HS1BP3: variants seen among roughly 807,000 people sequenced by gnomAD.
HS1BP3 encodes HCLS1-binding protein 3.
HS1BP3 carries 32 observed loss-of-function variants against 33.5 expected under a neutral mutation model. That is an observed-to-expected ratio of 0.95 (90% CI 0.72 to 1.28). HS1BP3 has a LOEUF of 1.28. Among genes scored for constraint, HS1BP3 ranks in the 50% most tolerant of loss-of-function variants. The pLI is 0.00. For synonymous variants in HS1BP3, 187 were observed against 209.2 expected (o/e 0.89, Z 0.92); for missense variants, 486 against 502.3 (o/e 0.97, Z 0.31).
intron 5 of HS1BP3, among the ~76,000 whole-genome samples, chr2:20,570,294 G>A (rs1413927848): frequency 1.3e-5 from 2 of 152,184 alleles, no homozygotes; most frequent in Non-Finnish European, 2.9e-5. Context: ...TTTATAGAAT[G>A]CTAGAGCAGG....
intron 2 of HS1BP3, among the ~76,000 whole-genome samples, chr2:20,598,849 C>T (rs1694007427): frequency 6.6e-6 from 1 of 152,176 alleles, no homozygotes; most frequent in South Asian, 2.1e-4. Flanking sequence ...TGAGCCACCG[C>T]GCCCGGCCGG....
downstream of HS1BP3, among the ~76,000 whole-genome samples, chr2:20,558,684 G>T (rs1692899755): frequency 6.6e-6 from 1 of 152,224 alleles, no homozygotes; most frequent in African/African-American, 2.4e-5. Context: ...CAGCGGCACA[G>T]GGGAGACTTG....
intron 1 of HS1BP3, among the ~76,000 whole-genome samples, chr2:20,646,746 C>T (rs573000050): frequency 7.2e-5 from 11 of 152,364 alleles, no homozygotes; most frequent in African/African-American, 1.2e-4. Context: ...GTGTCACCCA[C>T]GGTGTCACTG....
intron 2 of HS1BP3, among the ~76,000 whole-genome samples, chr2:20,609,023 G>A (rs1694260064): frequency 6.6e-6 from 1 of 152,206 alleles, no homozygotes; most frequent in African/African-American, 2.4e-5. Context: ...AGCCCGCCTG[G>A]CTACAGGGAA....
At position 20,619,055 on chromosome 2, in the gene HS1BP3, C is replaced by T. The variant is rs918587712; in HGVS notation, c.1111G>A (p.Glu371Lys). 3.7e-6 allele frequency: 6 copies of T among 1,614,070 alleles called. No homozygotes were observed. The highest frequency in any genetic ancestry group is 1.7e-5 in the Admixed American group (1 of 59,996). The change falls in exon 7 of 7, where the codon GAG becomes AAG. Residue 371 changes from glutamate (E) to lysine (K), a missense_variant. Glu to Lys is a moderately conservative substitution (Grantham distance 56). Coordinates refer to ENST00000304031, the MANE Select transcript of HS1BP3 (RefSeq NM_022460.4). Reference protein sequence around the residue: ...KPQEQIQAMDEMDILQYIQDH... With the variant: ...KPQEQIQAMDKMDILQYIQDH... ...TGGATGTACTGCAAGATGTCCATCT[C>T]GTCCATGGCTTGGATCTGCTCCTGC... is the stretch of plus-strand genomic sequence containing the variant.
chr2:20,642,380 TC>T (rs1695380576), intron 2 of HS1BP3, among the ~76,000 whole-genome samples: 1 of 151,624 alleles, frequency 6.6e-6, no homozygotes, highest in African/African-American at 2.4e-5. Context: ...TTTCAGAACC[TC>T]CAGTGGGGAG....
At chr2:20,625,862 A>G (rs1342223905) in intron 4 of HS1BP3, among the ~76,000 whole-genome samples, 1 of 152,248 alleles carries the variant, frequency 6.6e-6, no homozygotes, top group Non-Finnish European at 1.5e-5. Context: ...TGTGTACGTC[A>G]CTGTAAGTGA....
chr2:20,595,498 G>C (rs900212651), intron 3 of HS1BP3, among the ~76,000 whole-genome samples: 11 of 152,186 alleles, frequency 7.2e-5, no homozygotes, highest in Non-Finnish European at 1.5e-4. Flanking sequence ...CAGCAGGAGG[G>C]CTTCCTGGAG....
At chr2:20,626,843 G>C (rs567625200) in intron 4 of HS1BP3, among the ~76,000 whole-genome samples, 1 of 152,300 alleles carries the variant, frequency 6.6e-6, no homozygotes, top group South Asian at 2.1e-4. Flanking sequence ...AGACCTGGAG[G>C]AGCCAGGGCT....
chr2:20,638,844 C>T (rs1204528867), intron 3 of HS1BP3, among the ~76,000 whole-genome samples, 192 bp from the exon 4 acceptor site: 1 of 152,146 alleles, frequency 6.6e-6, no homozygotes, highest in African/African-American at 2.4e-5. Flanking sequence ...ACCTCCGTTT[C>T]GGGGGCAGCC....
intron 4 of HS1BP3, among the ~76,000 whole-genome samples, chr2:20,625,853 G>C (rs1694764059): frequency 6.6e-6 from 1 of 152,200 alleles, no homozygotes; most frequent in South Asian, 2.1e-4. Flanking sequence ...CTCAGGATCT[G>C]TGTACGTCAC....
At chr2:20,589,510 T>A (rs1432791430), downstream of HS1BP3, among the ~76,000 whole-genome samples, 1 of 152,184 alleles carries the variant, frequency 6.6e-6, no homozygotes, top group Non-Finnish European at 1.5e-5. Context: ...CTGGCATTGG[T>A]TGACTCTGAA....
chr2:20,639,865 C>T (rs768217123), intron 3 of HS1BP3, among the ~76,000 whole-genome samples: 8 of 152,066 alleles, frequency 5.3e-5, no homozygotes, highest in Non-Finnish European at 1.0e-4. Context: ...TCTACCCAGC[C>T]CCAGAGACAG....
At chr2:20,648,389 C>T (rs942743393) in intron 1 of HS1BP3, among the ~76,000 whole-genome samples, 3 of 152,160 alleles carry the variant, frequency 2.0e-5, no homozygotes, top group East Asian at 1.9e-4. Flanking sequence ...AGGTCATCTG[C>T]GACCTCCATG....
intron 5 of HS1BP3, among the ~76,000 whole-genome samples, chr2:20,584,313 T>C (rs1693629175): frequency 6.6e-6 from 1 of 152,226 alleles, no homozygotes; most frequent in African/African-American, 2.4e-5. Flanking sequence ...TAGAGGCATC[T>C]CTTCCTCCCA....
At chr2:20,612,519 C>T (rs1558334199) in intron 2 of HS1BP3, among the ~76,000 whole-genome samples, 1 of 152,162 alleles carries the variant, frequency 6.6e-6, no homozygotes, top group Non-Finnish European at 1.5e-5. Context: ...ATCTTTCTGT[C>T]TCTGTAGATT....
At chr2:20,625,053 C>T (rs1465847367) in intron 4 of HS1BP3, among the ~76,000 whole-genome samples, 161 bp from the exon 5 acceptor site, 2 of 152,190 alleles carry the variant, frequency 1.3e-5, no homozygotes, top group African/African-American at 4.8e-5. Context: ...GAGGGGGCCA[C>T]CCAGAGCAGT....
At chr2:20,591,242 C>A (rs56129345), downstream of HS1BP3, 10 of 167,112 alleles carry the variant, frequency 6.0e-5, no homozygotes, top group Admixed American at 3.9e-4. Context: ...CCTTCCTCCA[C>A]GGGAGCTGCC....
chr2:20,609,782 C>A (rs1694277683), intron 2 of HS1BP3, among the ~76,000 whole-genome samples: 1 of 152,132 alleles, frequency 6.6e-6, no homozygotes, highest in Admixed American at 6.5e-5. Context: ...GGATTCTGAC[C>A]CCTCATTGCT....
Sources: gnomAD v4.1 joint callset for allele counts (sites outside exome capture counted in the v4.1 genomes callset) on GRCh38, gnomAD v4.1.1 for gene constraint, MANE v1.5 for transcripts, NCBI Gene and HGNC (gene_info 2026-07-23, HGNC 2026-07-21) for gene names.